ARFGEF2: variants seen among roughly 807,000 people sequenced by gnomAD.
ARFGEF2 encodes ARF guanine nucleotide exchange factor 2.
Under a neutral mutation model 219.9 loss-of-function variants are expected in ARFGEF2, and 74 were observed. The ratio of observed to expected loss-of-function variants is 0.34; its 90% confidence interval spans 0.28 to 0.41. The LOEUF (loss-of-function observed/expected upper bound fraction) is 0.41. Ranked by LOEUF, ARFGEF2 falls within the 10% of genes least tolerant of loss-of-function variation. The pLI is 1.00. For missense variants in ARFGEF2, 1,743 were observed against 2,218.3 expected (o/e 0.79, Z 4.30); for synonymous variants, 733 against 799.2 (o/e 0.92, Z 1.40).
intron 3 of ARFGEF2, among the ~76,000 whole-genome samples, chr20:48,947,747 T>C (rs1201109954): frequency 6.6e-6 from 1 of 151,958 alleles, no homozygotes; most frequent in East Asian, 1.9e-4. Flanking sequence ...TTCCAACTAC[T>C]CAGGAGGCTG....
intron 25 of ARFGEF2, among the ~76,000 whole-genome samples, chr20:49,000,148 A>T (rs553638865): frequency 6.6e-6 from 1 of 151,980 alleles, no homozygotes; most frequent in Non-Finnish European, 1.5e-5. Context: ...GTGCTAGTCT[A>T]CTCCACCACT....
chr20:48,952,475 CGAGT>C (rs1321346306), intron 4 of ARFGEF2, among the ~76,000 whole-genome samples: 3 of 152,068 alleles, frequency 2.0e-5, no homozygotes, highest in Non-Finnish European at 4.4e-5. Context: ...TTAATTGTTT[CGAGT>C]GATTTGGATT....
intron 21 of ARFGEF2, among the ~76,000 whole-genome samples, chr20:48,992,091 A>G (rs558561748): frequency 1.3e-5 from 2 of 152,348 alleles, no homozygotes; most frequent in Admixed American, 6.5e-5. Flanking sequence ...AGGGTTACCT[A>G]TGAATTAAAA....
intron 1 of ARFGEF2, among the ~76,000 whole-genome samples, chr20:48,934,772 G>A (rs1323837379): frequency 6.6e-6 from 1 of 152,154 alleles, no homozygotes; most frequent in African/African-American, 2.4e-5. Flanking sequence ...CATTCGGGTT[G>A]GTTCCAAGTC....
In ARFGEF2 at chr20:49,018,988, A is replaced by G. The variant is rs770446413; in HGVS notation, c.4614A>G (p.Arg1538=). The change falls in exon 34 of 39, where the codon AGA becomes AGG. Residue 1538 remains arginine (R), a synonymous_variant. Coordinates refer to ENST00000371917, the MANE Select transcript of ARFGEF2 (RefSeq NM_006420.3). ...SNPTDDSWKG[R]PYANQKLFAS... Reference sequence around the variant, plus strand: ...CAACAGATGACAGCTGGAAGGGTAGACCATACGCAAGTAAGGCCACTTTTT... The same window carrying G: ...CAACAGATGACAGCTGGAAGGGTAGGCCATACGCAAGTAAGGCCACTTTTT... The G allele has an allele frequency of 4.3e-6, 7 of 1,613,552 alleles. No individual in the cohort carries two copies. Among genetic ancestry groups the G allele is most frequent in the Non-Finnish European group, 5.9e-6 (7 of 1,179,644 alleles).
chr20:49,032,956 TC>T (rs1371998636), intron 38 of ARFGEF2, 66 bp from the exon 39 acceptor site: 1 of 1,456,592 alleles, frequency 6.9e-7, no homozygotes, highest in Admixed American at 1.8e-5. Flanking sequence ...GATTAACACT[TC>T]TGAAAAACTG....
At chr20:48,936,685 C>T (rs2090960510) in intron 1 of ARFGEF2, among the ~76,000 whole-genome samples, 1 of 152,126 alleles carries the variant, frequency 6.6e-6, no homozygotes. Context: ...CCACCACGCC[C>T]AGCTAATTTT....
intron 33 of ARFGEF2, among the ~76,000 whole-genome samples, chr20:49,018,256 CAG>C (rs775719320): frequency 1.3e-5 from 2 of 152,076 alleles, no homozygotes; most frequent in Non-Finnish European, 2.9e-5. Context: ...TTTCTCGAGA[CAG>C]AGTCTCGCTC....
intron 16 of ARFGEF2, among the ~76,000 whole-genome samples, chr20:48,987,155 ACT>A (rs2091331144): frequency 6.6e-6 from 1 of 152,050 alleles, no homozygotes; most frequent in Non-Finnish European, 1.5e-5. Context: ...GGACATTAGA[ACT>A]CTCTATGAAG....
In ARFGEF2 at chr20:48,930,382, A is replaced by G. The variant is rs138727625; in HGVS notation, c.121+8372A>G. On this transcript the variant is annotated intron_variant, in intron 1 of 38. Transcript: ENST00000371917. ...GACATTCAAACCATCGCAGGCAGTTACCATTGTTCAGGTGAGAGATATTGG... is the reference window on the plus strand; with the variant it reads ...GACATTCAAACCATCGCAGGCAGTTGCCATTGTTCAGGTGAGAGATATTGG... 2.6e-5 allele frequency among the ~76,000 whole-genome samples: 4 copies of G among 152,362 alleles called. No homozygotes were observed. The East Asian group carries it at 7.7e-4, about 29-fold the overall frequency.
At chr20:48,999,930 A>C (rs2091415023) in intron 25 of ARFGEF2, among the ~76,000 whole-genome samples, 1 of 152,160 alleles carries the variant, frequency 6.6e-6, no homozygotes, top group South Asian at 2.1e-4. Context: ...GTTAGTAAAA[A>C]AACAATCCAG....
chr20:49,014,631 A>G (rs2091519537), intron 30 of ARFGEF2, among the ~76,000 whole-genome samples: 3 of 152,180 alleles, frequency 2.0e-5, no homozygotes, highest in Non-Finnish European at 1.5e-5. Context: ...ACATGGTTTA[A>G]ATATGATTCG....
intron 1 of ARFGEF2, 72 bp from the exon 2 acceptor site, chr20:48,941,127 A>C: frequency 1.4e-6 from 2 of 1,404,494 alleles, no homozygotes; most frequent in South Asian, 2.4e-5. Flanking sequence ...GTCTCCAAAT[A>C]TCTTTTAGTA....
At chr20:48,935,308 C>G (rs1237803165) in intron 1 of ARFGEF2, among the ~76,000 whole-genome samples, 1 of 152,158 alleles carries the variant, frequency 6.6e-6, no homozygotes, top group East Asian at 1.9e-4. Context: ...AAGGAGCTTG[C>G]TGCCTTCAAG....
chr20:48,935,482 C>G (rs1479670364), intron 1 of ARFGEF2, among the ~76,000 whole-genome samples: 1 of 152,006 alleles, frequency 6.6e-6, no homozygotes, highest in Non-Finnish European at 1.5e-5. Context: ...AAAAGTCTCC[C>G]ATGTCTACCT....
At chr20:48,953,839 A>C (rs752907103) in intron 6 of ARFGEF2, 49 bp downstream of exon 6, 24 of 1,551,896 alleles carry the variant, frequency 1.5e-5, no homozygotes, top group Non-Finnish European at 2.0e-5. Context: ...AGAGGGAATC[A>C]GCCTGTGAGG....
chr20:49,033,500 A>C lies in ARFGEF2; in HGVS notation c.*301A>C. ...TGCATATGCCATCGTTTTCTAGCAA[A>C]ATCCCATGATTGGCTATAAACGTTT... On this transcript the variant is annotated 3_prime_UTR_variant, in exon 39 of 39. Coordinates refer to ENST00000371917, the MANE Select transcript of ARFGEF2 (RefSeq NM_006420.3). The C allele has an allele frequency of 2.7e-6, 1 of 374,704 alleles. No homozygotes were observed. The highest frequency in any genetic ancestry group is 4.0e-5 in the Admixed American group (1 of 24,966). 23.2% of individuals were successfully genotyped at this position (374,704 alleles called of 1,614,324 possible).
Position 49,023,198 on chromosome 20 carries a change from TC to T in ARFGEF2, c.4755+18del. 1 of 1,613,948 alleles carries T rather than the reference TC, an allele frequency of 6.2e-7. No individual in the cohort carries two copies. Among genetic ancestry groups the T allele is most frequent in the Non-Finnish European group, 8.5e-7 (1 of 1,179,894 alleles). On this transcript the variant is annotated intron_variant, in intron 35 of 38. Transcript: ENST00000371917. ...GCCGCCCAGGTAAGAACAGGAGGCC[TC>T]AGGAAGAGCATCCCTGTCCATAGGG... is the stretch of plus-strand genomic sequence containing the variant.
At position 48,969,361 on chromosome 20, in the gene ARFGEF2, A is replaced by G. The variant is rs983303134; in HGVS notation, c.1190+84A>G. 6.8e-6 allele frequency: 11 copies of G among 1,610,326 alleles called. No individual in the cohort carries two copies. The African/African-American group carries it at 1.3e-4, about 20-fold the overall frequency. On this transcript the variant is annotated intron_variant, in intron 9 of 38. Coordinates refer to ENST00000371917, the MANE Select transcript of ARFGEF2 (RefSeq NM_006420.3). ...TGTGTTTCACACTTCCCTTGTTCCA[A>G]GAAGTTTCAGTGTCATGTCTCTTTG... is the stretch of plus-strand genomic sequence containing the variant.
Sources: allele counts gnomAD v4.1 joint callset (sites outside exome capture counted in the v4.1 genomes callset), GRCh38; gene constraint gnomAD v4.1.1; transcripts MANE v1.5; gene names NCBI Gene and HGNC (gene_info 2026-07-23, HGNC 2026-07-21).